The following CABIN1 variants were observed in gnomAD, a reference collection of about 807,000 sequenced individuals.
CABIN1 encodes the protein calcineurin-binding protein cabin-1.
Under a neutral mutation model 227.7 loss-of-function variants are expected in CABIN1, and 133 were observed. The observed-to-expected ratio is 0.58, with a 90% CI of 0.51 to 0.67. The LOEUF is 0.67. Ranked by LOEUF, CABIN1 falls within the 30% of genes least tolerant of loss-of-function variation. The pLI is 0.00. For missense variants in CABIN1, 2,408 were observed against 2,852.5 expected, an observed-to-expected ratio of 0.84 and a Z score of 3.55; for synonymous variants, 1,086 against 1,155.1, an observed-to-expected ratio of 0.94 and a Z score of 1.21.
chr22:24,161,167 A>G (rs749627204), intron 29 of CABIN1, among the ~76,000 whole-genome samples: 4 of 152,210 alleles, frequency 2.6e-5, no homozygotes, highest in Admixed American at 6.5e-5. Context: ...TCTGCCAGTG[A>G]GGAGCCTAGA....
intron 29 of CABIN1, 107 bp downstream of exon 29, chr22:24,134,522 G>T: frequency 1.1e-6 from 1 of 870,400 alleles, no homozygotes. Context: ...CCTCAAGTTT[G>T]CGGCATCCTC....
chr22:24,102,048 A>G (rs968463150), intron 26 of CABIN1, among the ~76,000 whole-genome samples: 8 of 152,168 alleles, frequency 5.3e-5, no homozygotes, highest in Non-Finnish European at 1.0e-4. Context: ...GAGGGCAGGT[A>G]GGCACTCATC....
intron 23 of CABIN1, among the ~76,000 whole-genome samples, chr22:24,091,343 T>C (rs1029796988): frequency 1.2e-4 from 18 of 152,144 alleles, no homozygotes; most frequent in Non-Finnish European, 2.4e-4. Context: ...CTGGTTGACA[T>C]GGGGTGACCT....
At chr22:24,026,292 CAGT>C (rs1434367518) in intron 1 of CABIN1, among the ~76,000 whole-genome samples, 1 of 152,164 alleles carries the variant, frequency 6.6e-6, no homozygotes, top group Non-Finnish European at 1.5e-5. Context: ...GAGTTTGAAA[CAGT>C]AGATTTTGAT....
rs539379186 is a variant in CABIN1, at chr22:24,064,346, C to T, written c.2037+159C>T. 9.2e-5 allele frequency among the ~76,000 whole-genome samples: 14 copies of T among 152,224 alleles called. No individual in the cohort carries two copies. In the South Asian group the frequency reaches 1.9e-3, roughly 20 times the overall value. On this transcript the variant is annotated intron_variant, in intron 15 of 36. Coordinates refer to ENST00000263119, the MANE Select transcript of CABIN1 (RefSeq NM_012295.4). ...TCAGCCTCCTGAGTAGCTGGGATTA[C>T]GGGTGCCCGCCGCCATGCCTGGCTA...
At chr22:24,160,957 C>CA (rs571141445) in intron 29 of CABIN1, among the ~76,000 whole-genome samples, 147 of 152,356 alleles carry the variant, frequency 9.6e-4, no homozygotes, top group African/African-American at 3.3e-3. Flanking sequence ...TCATAGCAGT[C>CA]ATGCCCTCCC....
At chr22:24,096,198 C>A in intron 25 of CABIN1, 116 bp downstream of exon 25, 1 of 1,206,216 alleles carries the variant, frequency 8.3e-7, no homozygotes, top group South Asian at 1.2e-5. Flanking sequence ...TAAACTAGAA[C>A]TCATGGAGTC....
intron 2 of CABIN1, 117 bp downstream of exon 2, chr22:24,035,637 C>T (rs1437122386): frequency 1.5e-6 from 2 of 1,341,194 alleles, no homozygotes; most frequent in African/African-American, 1.4e-5. Context: ...GAGTAGCCTT[C>T]CTCCCAGGAA....
intron 25 of CABIN1, among the ~76,000 whole-genome samples, chr22:24,097,013 G>C (rs534550950): frequency 2.0e-5 from 3 of 152,366 alleles, no homozygotes; most frequent in African/African-American, 4.8e-5. Flanking sequence ...AGGTGAGCCA[G>C]CTCCACAGTC....
In CABIN1 at chr22:24,134,358, G is replaced by A. The variant is rs199836182; in HGVS notation, c.4689G>A (p.Leu1563=). Reference sequence around the variant, plus strand: ...GCAGCAGTATCCCGTGGCAACAACTGCAGCACATGCCGGCACAGGGGCTCT... The same window carrying A: ...GCAGCAGTATCCCGTGGCAACAACTACAGCACATGCCGGCACAGGGGCTCT... ...LLGSSIPWQQ[L]QHMPAQGLFC... The change falls in exon 29 of 37, where the codon CTG becomes CTA. Residue 1563 remains leucine, a synonymous_variant. Transcript: ENST00000263119. 2.2e-5 allele frequency: 36 copies of A among 1,614,086 alleles called. No individual in the cohort carries two copies. Among genetic ancestry groups the A allele is most frequent in the Non-Finnish European group, 2.9e-5 (34 of 1,180,032 alleles).
intron 29 of CABIN1, among the ~76,000 whole-genome samples, chr22:24,140,098 G>T (rs1310296977): frequency 6.6e-6 from 1 of 152,232 alleles, no homozygotes; most frequent in Non-Finnish European, 1.5e-5. Flanking sequence ...AGGATTAGAG[G>T]CACCCTCGGG....
At chr22:24,043,347 T>C (rs1378562772) in intron 6 of CABIN1, among the ~76,000 whole-genome samples, 2 of 149,722 alleles carry the variant, frequency 1.3e-5, no homozygotes, top group African/African-American at 5.0e-5. Flanking sequence ...CAAGGTTTTG[T>C]TTGCTTGACA....
chr22:24,067,269 T>G, intron 16 of CABIN1, 88 bp downstream of exon 16: 1 of 1,352,600 alleles, frequency 7.4e-7, no homozygotes, highest in Non-Finnish European at 1.0e-6. Flanking sequence ...GCGGTAGTTC[T>G]TAAGAATGTA....
At chr22:24,107,044 C>T (rs777538549) in intron 26 of CABIN1, among the ~76,000 whole-genome samples, 33 of 152,304 alleles carry the variant, frequency 2.2e-4, no homozygotes, top group Non-Finnish European at 4.4e-4. Context: ...GAAGAGATAA[C>T]ACATCCCTGG....
chr22:24,149,513 G>A (rs763788134), intron 29 of CABIN1, among the ~76,000 whole-genome samples: 1 of 152,240 alleles, frequency 6.6e-6, no homozygotes, highest in Non-Finnish European at 1.5e-5. Flanking sequence ...GGGGGAGAAG[G>A]TGAGATGGAT....
chr22:24,049,067 A>C (rs1356421080), intron 6 of CABIN1, 24 bp from the exon 7 acceptor site: 1 of 1,613,426 alleles, frequency 6.2e-7, no homozygotes, highest in Non-Finnish European at 8.5e-7. Flanking sequence ...CTCAGAAGTC[A>C]TAAACTGTCT....
chr22:24,054,758 C>T, intron 8 of CABIN1, 115 bp from the exon 9 acceptor site: 1 of 1,303,750 alleles, frequency 7.7e-7, no homozygotes. Context: ...CCCCCATGGA[C>T]ATGGCAGCTC....
At chr22:24,164,595 A>G in intron 30 of CABIN1, 32 bp downstream of exon 30, 5 of 1,598,490 alleles carry the variant, frequency 3.1e-6, no homozygotes, top group Non-Finnish European at 3.4e-6. Context: ...ACAGCCTGGC[A>G]TGCTGTGTGG....
At chr22:24,099,846 G>A (rs1010073723) in intron 26 of CABIN1, among the ~76,000 whole-genome samples, 3 of 152,180 alleles carry the variant, frequency 2.0e-5, no homozygotes, top group Admixed American at 1.3e-4. Flanking sequence ...CTGAGGTCAC[G>A]CCACATGCGC....
Sources: gnomAD v4.1 joint callset for allele counts (sites outside exome capture counted in the v4.1 genomes callset) on GRCh38, gnomAD v4.1.1 for gene constraint, MANE v1.5 for transcripts, NCBI Gene and HGNC (gene_info 2026-07-23, HGNC 2026-07-21) for gene names.